The following MYLK variants were observed in gnomAD, a reference collection of about 807,000 sequenced individuals.
MYLK encodes the protein myosin light chain kinase, smooth muscle.
Under a neutral mutation model 203.4 loss-of-function variants are expected in MYLK, and 106 were observed. That is an observed-to-expected ratio of 0.52 (90% CI 0.45 to 0.61). The LOEUF (loss-of-function observed/expected upper bound fraction) is 0.61. Ranked by LOEUF, MYLK falls within the 20% of genes least tolerant of loss-of-function variation. MYLK has a pLI of 0.00. For synonymous variants in MYLK, 867 were observed against 959.5 expected, an observed-to-expected ratio of 0.90 and a Z score of 1.78; for missense variants, 2,072 against 2,442.3, an observed-to-expected ratio of 0.85 and a Z score of 3.20.
rs753521470 is a variant in MYLK, at chr3:123,737,550, A to G, written c.589-7T>C. 4 of 1,614,104 alleles carry G rather than the reference A, an allele frequency of 2.5e-6. No individual in the cohort carries two copies. Among genetic ancestry groups the G allele is most frequent in the Non-Finnish European group, 3.4e-6 (4 of 1,180,038 alleles). ...GCTGCAGTGGAACATTTCCCTGTGG[A>G]TGGCAATGGGGTAACTTGGTCATAC... On this transcript the variant is annotated splice_region_variant and splice_polypyrimidine_tract_variant and intron_variant, in intron 7 of 33. Transcript: ENST00000360304.
intron 29 of MYLK, among the ~76,000 whole-genome samples, chr3:123,632,078 G>C (rs112051925): frequency 6.6e-6 from 1 of 152,064 alleles, no homozygotes; most frequent in Non-Finnish European, 1.5e-5. Context: ...CACAGTGTTC[G>C]TCAGGATGGT....
At chr3:123,626,315 G>T (rs1385088436) in intron 31 of MYLK, among the ~76,000 whole-genome samples, 1 of 152,136 alleles carries the variant, frequency 6.6e-6, no homozygotes, top group Non-Finnish European at 1.5e-5. Flanking sequence ...TTATAGATGA[G>T]AAAAATCCAC....
At chr3:123,756,665 C>G (rs955589804) in intron 4 of MYLK, among the ~76,000 whole-genome samples, 1 of 152,140 alleles carries the variant, frequency 6.6e-6, no homozygotes, top group Non-Finnish European at 1.5e-5. Flanking sequence ...CCCTCTAATC[C>G]TCCATATGAG....
chr3:123,860,682 T>A (rs2031813631), intron 2 of MYLK, among the ~76,000 whole-genome samples: 1 of 152,224 alleles, frequency 6.6e-6, no homozygotes, highest in Admixed American at 6.5e-5. Context: ...AAGTACTCAG[T>A]GTGCTCCCAT....
intron 33 of MYLK, among the ~76,000 whole-genome samples, chr3:123,614,629 GT>G (rs1192127433): frequency 6.6e-6 from 1 of 152,088 alleles, no homozygotes; most frequent in Non-Finnish European, 1.5e-5. Context: ...TTATTTAATA[GT>G]TTTTTTATTT....
At chr3:123,716,461 A>T (rs1342664882) in intron 13 of MYLK, 1 of 152,178 alleles carries the variant, frequency 6.6e-6, no homozygotes, top group African/African-American at 2.4e-5. Flanking sequence ...TGGGAAGAGA[A>T]GTGTGCGAGG....
Position 123,648,801 on chromosome 3 carries a change from G to GGTGA in MYLK, c.4415+166_4415+169dup, listed in dbSNP as rs1317024831. Among the ~76,000 whole-genome samples the GGTGA allele has an allele frequency of 1.3e-5, 2 of 152,142 alleles. No individual in the cohort carries two copies. The highest frequency in any genetic ancestry group is 2.9e-5 in the Non-Finnish European group (2 of 68,022). ...ATGGGCAACTCTGCAGAGAGTCCTG[G>GGTGA]GTGAGTGAGTGATGCTTTCGTGGGT... is the stretch of plus-strand genomic sequence containing the variant. On this transcript the variant is annotated intron_variant, in intron 26 of 33. Transcript: ENST00000360304. This position sits in a 1 kb window ranked among gnomAD's most constrained non-coding sequence, Gnocchi z 4.5.
Position 123,733,639 on chromosome 3 carries a change from C to A in MYLK, c.1309+48G>T, listed in dbSNP as rs761811561. The A allele has an allele frequency of 2.5e-6, 4 of 1,608,580 alleles. No homozygotes were observed. The South Asian group carries it at 4.4e-5, about 18-fold the overall frequency. ...GGTGCTGAAGGAAGGGAGTGGCCAC[C>A]AAGGGGCTACATTTTGGCAATCGGT... On this transcript the variant is annotated intron_variant, in intron 10 of 33. Coordinates refer to ENST00000360304, the MANE Select transcript of MYLK (RefSeq NM_053025.4).
chr3:123,746,445 G>A lies in MYLK; in HGVS notation c.373+5886C>T, dbSNP rs540443425. 1.1e-4 allele frequency among the ~76,000 whole-genome samples: 17 copies of A among 152,110 alleles called. No individual in the cohort carries two copies. In the South Asian group the frequency reaches 3.5e-3, roughly 32 times the overall value. On this transcript the variant is annotated intron_variant, in intron 5 of 33. Coordinates refer to ENST00000360304, the MANE Select transcript of MYLK (RefSeq NM_053025.4). Reference sequence around the variant, plus strand: ...GAATACGAGATGGAAAAAGGAGGGAGCATCAGTAGCAAAAATCTAAGTTAG... The same window carrying A: ...GAATACGAGATGGAAAAAGGAGGGAACATCAGTAGCAAAAATCTAAGTTAG...
intron 4 of MYLK, among the ~76,000 whole-genome samples, chr3:123,788,831 C>T (rs1327313795): frequency 6.6e-6 from 1 of 152,132 alleles, no homozygotes; most frequent in Non-Finnish European, 1.5e-5. Flanking sequence ...CCTCAGCAAA[C>T]GCTAAGGCCA....
At position 123,642,606 on chromosome 3, in the gene MYLK, G is replaced by A. The variant is rs960408681; in HGVS notation, c.4620-2102C>T. Among the ~76,000 whole-genome samples, 13 of 152,294 alleles carry A rather than the reference G, an allele frequency of 8.5e-5. No individual in the cohort carries two copies. The highest frequency in any genetic ancestry group is 2.6e-4 in the Admixed American group (4 of 15,294). On this transcript the variant is annotated intron_variant, in intron 27 of 33. Transcript: ENST00000360304. This position sits in a 1 kb window ranked among gnomAD's most constrained non-coding sequence, Gnocchi z 4.2. ...GGTCCCCAAATGGCCTGCAGGTGGC[G>A]CTCTTGTCCTTATGCCCTCCATTTC...
At position 123,696,571 on chromosome 3, in the gene MYLK, G is replaced by C. The variant is rs187156011; in HGVS notation, c.3448+3449C>G. Among the ~76,000 whole-genome samples, 180 of 151,206 alleles carry C rather than the reference G, an allele frequency of 1.2e-3. 4 individuals carry two copies. Among genetic ancestry groups the C allele is most frequent in the Non-Finnish European group, 1.8e-4 (12 of 67,780 alleles). On this transcript the variant is annotated intron_variant, in intron 18 of 33. Coordinates refer to ENST00000360304, the MANE Select transcript of MYLK (RefSeq NM_053025.4). ...CCAGCCACTCAGGCACCCACACTTA[G>C]TGGTCTTCCATTCCTTCATCTTCTT...
chr3:123,731,653 T>C (rs1268498343), intron 11 of MYLK, among the ~76,000 whole-genome samples: 1 of 152,190 alleles, frequency 6.6e-6, no homozygotes, highest in Non-Finnish European at 1.5e-5. Flanking sequence ...CTTTCATTTA[T>C]ATCAATATTA....
chr3:123,788,377 G>T lies in MYLK; in HGVS notation c.165+5300C>A, dbSNP rs1424764758. Among the ~76,000 whole-genome samples, 17 of 148,032 alleles carry T rather than the reference G, an allele frequency of 1.1e-4. 1 individual carries two copies. The highest frequency in any genetic ancestry group is 3.0e-4 in the African/African-American group (12 of 40,214). On this transcript the variant is annotated intron_variant, in intron 4 of 33. Transcript: ENST00000360304. ...CTTTCAAATTTCTCTTTTTTTTTTT[G>T]ATTTGTTATTTCTTTTTTTTTTTAA... is the stretch of plus-strand genomic sequence containing the variant.
intron 12 of MYLK, among the ~76,000 whole-genome samples, chr3:123,723,808 A>G (rs2062179047): frequency 6.6e-6 from 1 of 152,248 alleles, no homozygotes; most frequent in Non-Finnish European, 1.5e-5. Flanking sequence ...TGAGTGATGT[A>G]TAAACTAGGA....
At chr3:123,791,096 G>C (rs563369614) in intron 4 of MYLK, among the ~76,000 whole-genome samples, 2 of 152,322 alleles carry the variant, frequency 1.3e-5, no homozygotes, top group African/African-American at 4.8e-5. Context: ...TGAGCACCTA[G>C]AACAGGACCT....
In MYLK at chr3:123,837,950, T is replaced by C. The variant is rs576740766; in HGVS notation, c.-126-6280A>G. 3.3e-5 allele frequency among the ~76,000 whole-genome samples: 5 copies of C among 152,292 alleles called. No homozygotes were observed. The South Asian group carries it at 8.3e-4, about 25-fold the overall frequency. ...TGGAATAATATCAAATGGTCTAATATGCATATAATTGGAATCTCAGAAAGA... is the reference window on the plus strand; with the variant it reads ...TGGAATAATATCAAATGGTCTAATACGCATATAATTGGAATCTCAGAAAGA... On this transcript the variant is annotated intron_variant, in intron 2 of 33. Transcript: ENST00000360304.
Position 123,640,253 on chromosome 3 carries a change from A to C in MYLK, c.4837+34T>G. ...AGAGGAAACGGCCAGTGCAATACACACTGGTGTCCATGGGAGAGGCAGATG... is the reference window on the plus strand; with the variant it reads ...AGAGGAAACGGCCAGTGCAATACACCCTGGTGTCCATGGGAGAGGCAGATG... On this transcript the variant is annotated intron_variant, in intron 28 of 33. Coordinates refer to ENST00000360304, the MANE Select transcript of MYLK (RefSeq NM_053025.4). The surrounding 1 kb of genome is among the most constrained non-coding windows in gnomAD (Gnocchi z 4.3). The C allele has an allele frequency of 6.3e-7, 1 of 1,595,528 alleles. No individual in the cohort carries two copies. Among genetic ancestry groups the C allele is most frequent in the Non-Finnish European group, 8.6e-7 (1 of 1,163,590 alleles).
intron 2 of MYLK, among the ~76,000 whole-genome samples, chr3:123,865,966 G>A (rs555258450): frequency 1.6e-4 from 25 of 152,288 alleles, no homozygotes; most frequent in African/African-American, 6.0e-4. Context: ...ACATGGAGAG[G>A]CCATATGTAG....
Sources: gnomAD v4.1 joint callset for allele counts (sites outside exome capture counted in the v4.1 genomes callset) on GRCh38, gnomAD v4.1.1 for gene constraint, Gnocchi (gnomAD v3.1) non-coding constraint, MANE v1.5 for transcripts, NCBI Gene and HGNC (gene_info 2026-07-23, HGNC 2026-07-21) for gene names.